The following CCNY variants were observed in gnomAD, a reference collection of about 807,000 sequenced individuals.
CCNY encodes cyclin Y, also known as cyclin-Y.
Under a neutral mutation model 42.8 loss-of-function variants are expected in CCNY, and 19 were observed. That is an observed-to-expected ratio of 0.44 (90% CI 0.31 to 0.65). CCNY has a LOEUF of 0.65. CCNY is among the 30% of genes least tolerant of loss of function. The pLI is 0.07. For missense variants in CCNY, 370 were observed against 437.3 expected, an observed-to-expected ratio of 0.85 and a Z score of 1.37; for synonymous variants, 165 against 162.7, an observed-to-expected ratio of 1.01 and a Z score of -0.11.
At chr10:35,375,740 A>G (rs956795695) in intron 1 of CCNY, among the ~76,000 whole-genome samples, 1 of 152,220 alleles carries the variant, frequency 6.6e-6, no homozygotes, top group African/African-American at 2.4e-5. Context: ...GGAGCAGCAC[A>G]AAACCTACAA....
At chr10:35,537,404 G>A (rs1397404004) in intron 7 of CCNY, among the ~76,000 whole-genome samples, 4 of 152,142 alleles carry the variant, frequency 2.6e-5, no homozygotes, top group Admixed American at 6.5e-5. Context: ...TGAGAAGAGG[G>A]CCACCATCCT....
intron 1 of CCNY, among the ~76,000 whole-genome samples, chr10:35,371,045 T>G (rs1208482278): frequency 6.6e-6 from 1 of 152,210 alleles, no homozygotes. Context: ...TGTTCATTAT[T>G]GATTGTCTGT....
chr10:35,327,749 G>C (rs377133709), intron 3 of CCNY: 1 of 152,370 alleles, frequency 6.6e-6, no homozygotes, highest in Non-Finnish European at 1.5e-5. Flanking sequence ...GAGGCAGTGG[G>C]GGTGAGAGGT....
rs1286707783 is a variant in CCNY at position 35,455,825 on chromosome 10, T to TTTTTA, written c.155-27579_155-27578insTTTTA. Among the ~76,000 whole-genome samples the TTTTTA allele has an allele frequency of 2.4e-3, 243 of 99,760 alleles. 1 individual carries two copies. Among genetic ancestry groups the TTTTTA allele is most frequent in the African/African-American group, 8.6e-3 (225 of 26,302 alleles). 65.4% of individuals were successfully genotyped at this position (99,760 alleles called of 152,430 possible). ...CTTCCTTTTTTTTTTTTTTTTTTTT[T>TTTTTA]AAAAAAAGAAAAAGACAGGGTCTCA... On this transcript the variant is annotated intron_variant, in intron 1 of 9. Coordinates refer to ENST00000374704, the MANE Select transcript of CCNY (RefSeq NM_145012.6).
chr10:35,522,162 C>T lies in CCNY; in HGVS notation c.366-3802C>T, dbSNP rs138870759. ...CCCAAGGACAGAAGGTGGTGAGCAC[C>T]GCCACCTCTACACTGACAAGAAAGC... is the stretch of plus-strand genomic sequence containing the variant. On this transcript the variant is annotated intron_variant, in intron 4 of 9. Transcript: ENST00000374704. Among the ~76,000 whole-genome samples the T allele has an allele frequency of 4.7e-4, 72 of 152,096 alleles. 1 individual carries two copies. In the East Asian group the frequency reaches 0.011, roughly 23 times the overall value.
intron 1 of CCNY, among the ~76,000 whole-genome samples, chr10:35,465,940 T>A (rs61843290): frequency 0.033 from 2,761 of 84,600 alleles, 45 homozygotes; most frequent in African/African-American, 0.096. Flanking sequence ...AGAGAGAGAG[T>A]GTGTGTGTGT....
At chr10:35,548,310 A>G (rs562017063) in intron 7 of CCNY, among the ~76,000 whole-genome samples, 2 of 148,112 alleles carry the variant, frequency 1.4e-5, no homozygotes, top group Non-Finnish European at 3.0e-5. Flanking sequence ...ATATATATAT[A>G]TTTTATGAGA....
intron 3 of CCNY, among the ~76,000 whole-genome samples, chr10:35,260,801 T>C (rs2095718975): frequency 6.6e-6 from 1 of 152,200 alleles, no homozygotes; most frequent in South Asian, 2.1e-4. Flanking sequence ...ATCGTGGCAG[T>C]TCCTGCAAGG....
chr10:35,506,817 C>T (rs1840225202), intron 3 of CCNY, among the ~76,000 whole-genome samples: 1 of 152,166 alleles, frequency 6.6e-6, no homozygotes, highest in Non-Finnish European at 1.5e-5. Flanking sequence ...GTTGGAAGCC[C>T]TGATCTTTTG....
At chr10:35,338,911 C>T (rs1251110159) in intron 1 of CCNY, among the ~76,000 whole-genome samples, 3 of 152,274 alleles carry the variant, frequency 2.0e-5, no homozygotes, top group Admixed American at 1.3e-4. Context: ...GTATTTGGCA[C>T]TAAGGCTCAG....
chr10:35,342,238 T>G (rs1239921498), intron 1 of CCNY, among the ~76,000 whole-genome samples: 4 of 152,102 alleles, frequency 2.6e-5, no homozygotes, highest in Non-Finnish European at 5.9e-5. Context: ...CTTCCTTGAG[T>G]CTCTACAATC....
intron 3 of CCNY, among the ~76,000 whole-genome samples, chr10:35,321,881 G>A (rs1001590323): frequency 2.6e-5 from 4 of 152,104 alleles, no homozygotes; most frequent in African/African-American, 7.2e-5. Context: ...AAATGAACCC[G>A]CATGTCTATG....
intron 1 of CCNY, among the ~76,000 whole-genome samples, chr10:35,399,486 C>G (rs748725819): frequency 1.3e-5 from 2 of 152,180 alleles, no homozygotes; most frequent in Non-Finnish European, 2.9e-5. Context: ...GTGGCCGACA[C>G]AGGACACAAC....
intron 1 of CCNY, among the ~76,000 whole-genome samples, chr10:35,459,389 T>A (rs1014309212): frequency 1.3e-5 from 2 of 152,220 alleles, no homozygotes. Context: ...TATGACCTTT[T>A]TTTGCATTTT....
intron 1 of CCNY, among the ~76,000 whole-genome samples, chr10:35,381,270 A>T (rs545396389): frequency 6.6e-6 from 1 of 152,292 alleles, no homozygotes; most frequent in South Asian, 2.1e-4. Context: ...CCTTTAATAG[A>T]TACTGTAGGC....
chr10:35,251,713 C>T (rs969702111), intron 3 of CCNY, among the ~76,000 whole-genome samples: 8 of 152,016 alleles, frequency 5.3e-5, no homozygotes, highest in Admixed American at 1.3e-4. Context: ...CTCAACCTCT[C>T]GAGTAGCTGG....
intron 1 of CCNY, among the ~76,000 whole-genome samples, chr10:35,421,092 T>C (rs1228887806): frequency 6.6e-6 from 1 of 151,902 alleles, no homozygotes; most frequent in East Asian, 1.9e-4. Flanking sequence ...TGCTTTGGGG[T>C]GGGATTTTGG....
intron 3 of CCNY, among the ~76,000 whole-genome samples, chr10:35,260,954 T>C (rs886760367): frequency 1.3e-5 from 2 of 151,770 alleles, no homozygotes; most frequent in African/African-American, 2.4e-5. Context: ...CTACAAAAAA[T>C]AAAACAATGA....
intron 7 of CCNY, among the ~76,000 whole-genome samples, chr10:35,551,163 G>A (rs1456822061): frequency 1.3e-5 from 2 of 152,166 alleles, no homozygotes; most frequent in Non-Finnish European, 2.9e-5. Context: ...TACAGGCCTT[G>A]TGCATTCGCA....
Sources: gnomAD v4.1 joint callset for allele counts (sites outside exome capture counted in the v4.1 genomes callset) on GRCh38, gnomAD v4.1.1 for gene constraint, MANE v1.5 for transcripts, NCBI Gene and HGNC (gene_info 2026-07-23, HGNC 2026-07-21) for gene names.